ANO1: variants seen among roughly 807,000 people sequenced by gnomAD.
ANO1 encodes anoctamin 1, also known as anoctamin-1.
A neutral mutation model predicts 124.0 loss-of-function variants in ANO1; 59 were observed. That is an observed-to-expected ratio of 0.48 (90% confidence interval 0.39 to 0.59). The LOEUF is 0.59. ANO1 is among the 20% of genes least tolerant of loss of function. ANO1 has a pLI of 0.00. For missense variants in ANO1, 1,059 were observed against 1,328.0 expected, an observed-to-expected ratio of 0.80 and a Z score of 3.15; for synonymous variants, 529 against 532.0, an observed-to-expected ratio of 0.99 and a Z score of 0.08.
At chr11:69,976,926 TC>T in the ANO1 span, among the ~76,000 whole-genome samples, 1 of 151,706 alleles carries the variant, frequency 6.6e-6, no homozygotes, top group African/African-American at 2.4e-5. Flanking sequence ...AACGTCATGT[TC>T]ATCCCCCCGG....
chr11:70,140,292 G>A (rs546589919), intron 11 of ANO1, among the ~76,000 whole-genome samples: 1 of 152,276 alleles, frequency 6.6e-6, no homozygotes, highest in East Asian at 1.9e-4. Context: ...CACTTTGGGA[G>A]GCCAAGGTGT....
chr11:70,158,565 C>A (rs2047914724), intron 16 of ANO1, among the ~76,000 whole-genome samples: 1 of 152,236 alleles, frequency 6.6e-6, no homozygotes, highest in Non-Finnish European at 1.5e-5. Context: ...CTGGCATATG[C>A]CTGCAGAAGC....
At chr11:70,093,308 A>G (rs1055970904) in intron 2 of ANO1, among the ~76,000 whole-genome samples, 5 of 119,920 alleles carry the variant, frequency 4.2e-5, no homozygotes, top group Admixed American at 9.8e-5. Context: ...CTCTGTCTCC[A>G]TCTCTTTCCC....
rs754102389 is a variant in ANO1, at chr11:70,163,266, C to T, written c.1893-17C>T. On this transcript the variant is annotated splice_polypyrimidine_tract_variant and intron_variant, in intron 18 of 25. Transcript: ENST00000355303. The stretch of plus-strand genomic sequence containing the variant: ...AGGGGCTCATCTTTTCTCTAACGAC[C>T]TCCCCCATCGTTTCAGGTTTGTTGG... 5.0e-6 allele frequency: 8 copies of T among 1,612,072 alleles called. No homozygotes were observed. The highest frequency in any genetic ancestry group is 5.1e-6 in the Non-Finnish European group (6 of 1,179,458).
intron 1 of ANO1, among the ~76,000 whole-genome samples, chr11:70,080,067 G>A (rs2135174705): frequency 6.6e-6 from 1 of 152,392 alleles, no homozygotes; most frequent in African/African-American, 2.4e-5. Flanking sequence ...CTCAAAGAAT[G>A]AGACAGGGAA....
rs1491227587 is a variant in ANO1 at position 70,095,357 on chromosome 11, A to AG, written c.441+7274dup. ...AGGAAAGAGAAAGAAAAAGAAAGAA[A>AG]GAAAGAAAGAAAGAAAGAAAGAAAG... On this transcript the variant is annotated intron_variant, in intron 2 of 25. Coordinates refer to ENST00000355303, the MANE Select transcript of ANO1 (RefSeq NM_018043.7). Among the ~76,000 whole-genome samples, 166 of 17,940 alleles carry AG rather than the reference A, an allele frequency of 9.3e-3. 1 individual carries two copies. Among genetic ancestry groups the AG allele is most frequent in the East Asian group, 0.03 (32 of 1,082 alleles). The allele number at this position is 17,940 out of a possible 152,430, so 11.8% of individuals were successfully genotyped here.
At chr11:70,127,109 G>T (rs11235094) in intron 10 of ANO1, among the ~76,000 whole-genome samples, 1 of 133,706 alleles carries the variant, frequency 7.5e-6, no homozygotes, top group Non-Finnish European at 1.6e-5. Context: ...AGGCCTCGGT[G>T]CAGTCTGGTG....
At chr11:70,186,610 G>A (rs1183089062) in intron 25 of ANO1, among the ~76,000 whole-genome samples, 1 of 152,106 alleles carries the variant, frequency 6.6e-6, no homozygotes, top group Non-Finnish European at 1.5e-5. Context: ...CCAGTGGAGC[G>A]GGACCCCAGG....
At chr11:70,149,519 C>T (rs1244163012) in intron 11 of ANO1, 191 bp from the exon 12 acceptor site, 16 of 558,244 alleles carry the variant, frequency 2.9e-5, no homozygotes, top group South Asian at 1.0e-4. Context: ...GGTGTGGTGG[C>T]GCATGCCTGT....
chr11:69,982,476 A>G (rs1855967791), upstream of ANO1, among the ~76,000 whole-genome samples: 1 of 152,202 alleles, frequency 6.6e-6, no homozygotes, highest in South Asian at 2.1e-4. Flanking sequence ...CCTGCATTTC[A>G]GTGTTCTACC....
rs111489159 is a variant in ANO1 at position 70,086,569 on chromosome 11, C to A, written c.109-1183C>A. Among the ~76,000 whole-genome samples the A allele has an allele frequency of 2.0e-5, 3 of 152,218 alleles. No individual in the cohort carries two copies. The East Asian group carries it at 5.8e-4, about 29-fold the overall frequency. ...TCCTCTGCACCCAAAGGTGACTGAC[C>A]GTGCAGGTGCTGCCGCAGGCCACGT... On this transcript the variant is annotated intron_variant, in intron 1 of 25. Coordinates refer to ENST00000355303, the MANE Select transcript of ANO1 (RefSeq NM_018043.7).
chr11:70,161,823 C>CCAGGG, intron 18 of ANO1, 90 bp downstream of exon 18: 1 of 1,317,790 alleles, frequency 7.6e-7, no homozygotes. Flanking sequence ...CACCTGGAGC[C>CCAGGG]CAGGGCAGGG....
chr11:70,152,470 CT>C lies in ANO1; in HGVS notation c.1353+14del. 1 of 1,611,742 alleles carries C rather than the reference CT, an allele frequency of 6.2e-7. No homozygotes were observed. Among genetic ancestry groups the C allele is most frequent in the Non-Finnish European group, 8.5e-7 (1 of 1,178,702 alleles). On this transcript the variant is annotated intron_variant, in intron 13 of 25. Transcript: ENST00000355303. ...TGAAGGAGGCTGTCAAGGTTTGGAA[CT>C]TTTTGTCGCTCCTCTATCTTCCCAC...
At chr11:70,053,438 G>A (rs1014396078) in intron 1 of ANO1, among the ~76,000 whole-genome samples, 13 of 152,306 alleles carry the variant, frequency 8.5e-5, no homozygotes, top group African/African-American at 2.6e-4. Flanking sequence ...AATTTGCTAA[G>A]AGTTCTTATA....
intron 1 of ANO1, among the ~76,000 whole-genome samples, chr11:70,067,768 G>A (rs1474991453): frequency 2.0e-5 from 3 of 152,138 alleles, no homozygotes; most frequent in Non-Finnish European, 2.9e-5. Context: ...CCCCTGCCCC[G>A]GCTTGGGCAG....
intron 22 of ANO1, 86 bp from the exon 23 acceptor site, chr11:70,179,918 G>T (rs1359710293): frequency 3.1e-6 from 4 of 1,273,306 alleles, no homozygotes; most frequent in Middle Eastern, 1.8e-4. Flanking sequence ...CCCCTGCAAG[G>T]GTGGTACCCG....
chr11:70,185,482 C>A, intron 24 of ANO1, 108 bp from the exon 25 acceptor site: 1 of 986,792 alleles, frequency 1.0e-6, no homozygotes, highest in Non-Finnish European at 1.5e-6. Flanking sequence ...CGGAGGCAGC[C>A]GCACACCAAG....
intron 20 of ANO1, among the ~76,000 whole-genome samples, chr11:70,166,430 G>C (rs959012062): frequency 1.3e-5 from 2 of 152,218 alleles, no homozygotes; most frequent in Non-Finnish European, 2.9e-5. Flanking sequence ...CTGAGGATGG[G>C]GGGGTACCAC....
At chr11:70,112,678 C>T (rs1424882753) in intron 7 of ANO1, among the ~76,000 whole-genome samples, 1 of 152,076 alleles carries the variant, frequency 6.6e-6, no homozygotes, top group Non-Finnish European at 1.5e-5. Context: ...CAGCCTCAGC[C>T]TCCCAAGTAG....
Sources: allele counts gnomAD v4.1 joint callset (sites outside exome capture counted in the v4.1 genomes callset), GRCh38; gene constraint gnomAD v4.1.1; transcripts MANE v1.5; gene names NCBI Gene and HGNC (gene_info 2026-07-23, HGNC 2026-07-21).